The following ST14 variants were observed in gnomAD, a reference collection of about 807,000 sequenced individuals.
ST14 encodes the protein ST14 transmembrane serine protease matriptase.
ST14 carries 40 observed loss-of-function variants against 96.5 expected under a neutral mutation model. That is an observed-to-expected ratio of 0.41 (90% CI 0.32 to 0.54). The LOEUF is 0.54. Among genes scored for constraint, ST14 ranks in the 20% least tolerant of loss-of-function variants. ST14 has a pLI of 0.17. For missense variants in ST14, 1,066 were observed against 1,188.9 expected (o/e 0.90, Z 1.52); for synonymous variants, 506 against 492.1 (o/e 1.03, Z -0.37).
chr11:130,170,804 T>C (rs1236322067), intron 1 of ST14, among the ~76,000 whole-genome samples: 3 of 152,116 alleles, frequency 2.0e-5, no homozygotes, highest in Non-Finnish European at 4.4e-5. Flanking sequence ...GGCCCGTCTC[T>C]TGGGCCCAAG....
At chr11:130,194,551 GCT>G (rs1219884491) in intron 8 of ST14, 87 bp from the exon 9 acceptor site, 178 of 1,385,482 alleles carry the variant, frequency 1.3e-4, no homozygotes, top group Middle Eastern at 7.6e-4. Flanking sequence ...CCAGGAGGCA[GCT>G]CCAGGCCTCA....
chr11:130,170,833 A>G (rs1158741867), intron 1 of ST14, among the ~76,000 whole-genome samples: 4 of 151,956 alleles, frequency 2.6e-5, no homozygotes, highest in Non-Finnish European at 5.9e-5. Context: ...TTTGTAGTAG[A>G]TAGAGTTTTG....
At chr11:130,182,487 T>C (rs193275748) in intron 1 of ST14, among the ~76,000 whole-genome samples, 2 of 152,024 alleles carry the variant, frequency 1.3e-5, no homozygotes, top group African/African-American at 4.8e-5. Context: ...CATGTCTGGC[T>C]AGTTTTTTGT....
Position 130,188,801 on chromosome 11 carries a change from G to T in ST14, c.370-68G>T. 6.2e-7 allele frequency: 1 copy of T among 1,602,954 alleles called. No individual in the cohort carries two copies. Among genetic ancestry groups the T allele is most frequent in the East Asian group, 2.2e-5 (1 of 44,656 alleles). The stretch of plus-strand genomic sequence containing the variant: ...GGGGACCCGGGCCCTGGAGGGGAGG[G>T]AGCAGCCCGGGCTTGGGGCAGGGTC... On this transcript the variant is annotated intron_variant, in intron 3 of 18. Coordinates refer to ENST00000278742, the MANE Select transcript of ST14 (RefSeq NM_021978.4). The surrounding 1 kb of genome is among the most constrained non-coding windows in gnomAD (Gnocchi z 5.4).
At chr11:130,184,176 G>A (rs964518578) in intron 1 of ST14, among the ~76,000 whole-genome samples, 3 of 152,334 alleles carry the variant, frequency 2.0e-5, no homozygotes, top group Admixed American at 6.5e-5. Flanking sequence ...AGACGGACAC[G>A]GGCATCATCT....
At chr11:130,202,825 G>A (rs1953443962) in intron 16 of ST14, among the ~76,000 whole-genome samples, 3 of 152,098 alleles carry the variant, frequency 2.0e-5, no homozygotes, top group South Asian at 2.1e-4. Flanking sequence ...TAAAAAGCGC[G>A]ACCCTACCTC....
chr11:130,197,847 C>A lies in ST14; in HGVS notation c.1361C>A (p.Pro454Gln). Residue 454 changes from proline to glutamine, a missense_variant, in exon 12 of 19, where the codon CCG becomes CAG. Physicochemically the swap from Pro to Gln is moderately conservative, Grantham distance 76. Coordinates refer to ENST00000278742, the MANE Select transcript of ST14 (RefSeq NM_021978.4). The part of the protein sequence containing the change: ...YLSYDSSDPC[P>Q]GQFTCRTGRC... ...GGCCTGCCTGTGCCCGCAGCATGCC[C>A]GGGGCAGTTCACGTGCCGCACGGGG... The A allele has an allele frequency of 6.3e-7, 1 of 1,575,878 alleles. No homozygotes were observed. The highest frequency in any genetic ancestry group is 2.3e-5 in the East Asian group (1 of 43,034).
intron 1 of ST14, among the ~76,000 whole-genome samples, chr11:130,174,362 A>G (rs751441236): frequency 2.6e-5 from 4 of 152,232 alleles, no homozygotes; most frequent in Non-Finnish European, 4.4e-5. Flanking sequence ...TTTCAGATGA[A>G]AAAAGGGTTA....
chr11:130,192,427 C>T (rs1247378194), intron 7 of ST14, among the ~76,000 whole-genome samples: 4 of 152,210 alleles, frequency 2.6e-5, no homozygotes, highest in Non-Finnish European at 5.9e-5. Context: ...CTCGCTCTGT[C>T]GCCCAGGCTG....
At chr11:130,193,219 CT>C (rs1425287949) in intron 7 of ST14, among the ~76,000 whole-genome samples, 1 of 151,688 alleles carries the variant, frequency 6.6e-6, no homozygotes, top group African/African-American at 2.4e-5. Flanking sequence ...CCCGGAGTAG[CT>C]GGGACTGCAG....
chr11:130,171,859 T>TTA (rs1216632540), intron 1 of ST14, among the ~76,000 whole-genome samples: 1 of 152,136 alleles, frequency 6.6e-6, no homozygotes, highest in Non-Finnish European at 1.5e-5. Flanking sequence ...AAAGTAACAT[T>TTA]TATCATCAAG....
chr11:130,199,119 T>C (rs752354994), intron 15 of ST14, 50 bp downstream of exon 15: 8 of 1,585,458 alleles, frequency 5.0e-6, no homozygotes, highest in Non-Finnish European at 6.9e-6. Context: ...CTGTGTGAAG[T>C]GCCCACCAGA....
At chr11:130,162,354 G>A (rs1266287137) in intron 1 of ST14, among the ~76,000 whole-genome samples, 1 of 152,194 alleles carries the variant, frequency 6.6e-6, no homozygotes, top group Non-Finnish European at 1.5e-5. Flanking sequence ...CCATTAATGA[G>A]AGCCAGGGAG....
intron 1 of ST14, among the ~76,000 whole-genome samples, chr11:130,166,010 A>G (rs1234257071): frequency 6.6e-6 from 1 of 152,210 alleles, no homozygotes; most frequent in Non-Finnish European, 1.5e-5. Context: ...ATAAGAAGGA[A>G]GTGGTGATCA....
chr11:130,203,802 G>A (rs182224045), intron 16 of ST14, among the ~76,000 whole-genome samples: 16 of 152,196 alleles, frequency 1.1e-4, no homozygotes, highest in African/African-American at 3.4e-4. Context: ...ACAGGCATGC[G>A]CCACCGTGCC....
Position 130,188,435 on chromosome 11 carries a change from G to C in ST14, c.242-95G>C. On this transcript the variant is annotated intron_variant, in intron 2 of 18. Transcript: ENST00000278742. The surrounding 1 kb of genome is among the most constrained non-coding windows in gnomAD (Gnocchi z 5.4). Reference sequence around the variant, plus strand: ...GGGAAGCAGTCAGGGCTGACCCATGGCCCCCTCCTGGCATTCATTCCCCAT... The same window carrying C: ...GGGAAGCAGTCAGGGCTGACCCATGCCCCCCTCCTGGCATTCATTCCCCAT... 6.2e-7 allele frequency: 1 copy of C among 1,603,430 alleles called. No homozygotes were observed. Among genetic ancestry groups the C allele is most frequent in the Admixed American group, 1.7e-5 (1 of 59,958 alleles).
chr11:130,160,131 C>A, intron 1 of ST14, 71 bp downstream of exon 1: 3 of 1,089,546 alleles, frequency 2.8e-6, no homozygotes, highest in Admixed American at 4.2e-5. Flanking sequence ...CGGCGCTGGG[C>A]TCGGCCGGCT....
Position 130,188,618 on chromosome 11 carries a change from C to T in ST14, c.330C>T (p.Ser110=), listed in dbSNP as rs146745893. The part of the protein sequence containing the change: ...NFVDAYENSN[S]TEFVSLASKV... ...TGGATGCCTACGAGAACTCCAACTC[C>T]ACTGAGTTTGTAAGCCTGGCCAGCA... The change falls in exon 3 of 19, where the codon TCC becomes TCT. Residue 110 remains serine (S), a synonymous_variant. Transcript: ENST00000278742. This position sits in a 1 kb window ranked among gnomAD's most constrained non-coding sequence, Gnocchi z 5.4. 314 of 1,614,242 alleles carry T rather than the reference C, an allele frequency of 1.9e-4. No individual in the cohort carries two copies. Among genetic ancestry groups the T allele is most frequent in the Non-Finnish European group, 2.6e-4 (302 of 1,180,042 alleles).
intron 1 of ST14, among the ~76,000 whole-genome samples, chr11:130,183,492 G>C (rs890650086): frequency 6.7e-6 from 1 of 149,612 alleles, no homozygotes; most frequent in Non-Finnish European, 1.5e-5. Context: ...AGGATTGCTT[G>C]AGCCAAGAAT....
Sources: gnomAD v4.1 joint callset for allele counts (sites outside exome capture counted in the v4.1 genomes callset) on GRCh38, gnomAD v4.1.1 for gene constraint, Gnocchi (gnomAD v3.1) non-coding constraint, MANE v1.5 for transcripts, NCBI Gene and HGNC (gene_info 2026-07-23, HGNC 2026-07-21) for gene names.